The following ANGPTL5 variants were observed in gnomAD, a reference collection of about 807,000 sequenced individuals.
ANGPTL5 encodes the protein angiopoietin-related protein 5.
ANGPTL5 carries 34 observed loss-of-function variants against 39.4 expected under a neutral mutation model. The ratio of observed to expected loss-of-function variants is 0.86; its 90% CI spans 0.66 to 1.15. ANGPTL5 has a LOEUF of 1.15. Ranked by LOEUF, ANGPTL5 falls within the 50% of genes most tolerant of loss-of-function variation. The pLI is 0.00. For synonymous variants in ANGPTL5, 146 were observed against 152.1 expected, an observed-to-expected ratio of 0.96 and a Z score of 0.29; for missense variants, 467 against 457.5, an observed-to-expected ratio of 1.02 and a Z score of -0.19.
At chr11:101,893,314 T>A (rs1939735956) in intron 8 of ANGPTL5, among the ~76,000 whole-genome samples, 1 of 152,222 alleles carries the variant, frequency 6.6e-6, no homozygotes, top group African/African-American at 2.4e-5. Context: ...GTGGAACAAG[T>A]GTGTTGCTCA....
At chr11:101,912,000 C>G (rs1338356423) in intron 1 of ANGPTL5, among the ~76,000 whole-genome samples, 1 of 152,234 alleles carries the variant, frequency 6.6e-6, no homozygotes, top group Non-Finnish European at 1.5e-5. Context: ...TGAGCACCCT[C>G]TCACAGATAG....
At position 101,915,375 on chromosome 11, in the gene ANGPTL5, C is replaced by CG. The variant is rs779715132; in HGVS notation, c.-93+643dup. On this transcript the variant is annotated intron_variant, in intron 1 of 8. Coordinates refer to ENST00000334289, the MANE Select transcript of ANGPTL5 (RefSeq NM_178127.5). ...CCTCGACAGAGCCCCCCTCGGCCCTCGGGAGAGCGGCGGGCATCACCGACC... is the reference window on the plus strand; with the variant it reads ...CCTCGACAGAGCCCCCCTCGGCCCTCGGGGAGAGCGGCGGGCATCACCGACC... 31 of 1,613,758 alleles carry CG rather than the reference C, an allele frequency of 1.9e-5. No individual in the cohort carries two copies. The African/African-American group carries it at 4.1e-4, about 22-fold the overall frequency.
At chr11:101,912,163 A>C (rs1940101442) in intron 1 of ANGPTL5, among the ~76,000 whole-genome samples, 1 of 152,272 alleles carries the variant, frequency 6.6e-6, no homozygotes, top group Non-Finnish European at 1.5e-5. Flanking sequence ...TAGCACCTGG[A>C]AAGTGCTTGG....
At chr11:101,901,648 T>C (rs993831445) in intron 6 of ANGPTL5, among the ~76,000 whole-genome samples, 1 of 152,172 alleles carries the variant, frequency 6.6e-6, no homozygotes, top group Non-Finnish European at 1.5e-5. Flanking sequence ...CCACTCTTCA[T>C]AAAATTAGAA....
At chr11:101,892,995 T>C (rs1366689103) in intron 8 of ANGPTL5, among the ~76,000 whole-genome samples, 1 of 152,180 alleles carries the variant, frequency 6.6e-6, no homozygotes, top group Non-Finnish European at 1.5e-5. Flanking sequence ...GTGTGATACT[T>C]TTCCAAAGTT....
intron 1 of ANGPTL5, chr11:101,915,265 A>T (rs368939235): frequency 1.2e-6 from 2 of 1,612,806 alleles, no homozygotes; most frequent in African/African-American, 2.7e-5. Flanking sequence ...GCGAGCAGAC[A>T]GGCGGCGCTG....
chr11:101,899,445 G>T (rs981941865), intron 7 of ANGPTL5, among the ~76,000 whole-genome samples: 3 of 152,182 alleles, frequency 2.0e-5, no homozygotes, highest in Admixed American at 2.0e-4. Flanking sequence ...GTCTCAGTTT[G>T]TATGCAGTAT....
chr11:101,908,784 A>C (rs2137064528), intron 1 of ANGPTL5, among the ~76,000 whole-genome samples: 2 of 151,712 alleles, frequency 1.3e-5, no homozygotes, highest in South Asian at 4.2e-4. Flanking sequence ...CCATCTCAAA[A>C]AAAAAAAAAA....
chr11:101,910,433 A>ATG (rs1940073897), intron 1 of ANGPTL5, among the ~76,000 whole-genome samples: 3 of 147,582 alleles, frequency 2.0e-5, no homozygotes, highest in Admixed American at 6.8e-5. Flanking sequence ...AAATATATAT[A>ATG]TATATATATA....
intron 1 of ANGPTL5, among the ~76,000 whole-genome samples, chr11:101,911,048 C>G (rs115972341): frequency 0.016 from 2,223 of 136,142 alleles, 59 homozygotes; most frequent in African/African-American, 0.057. Context: ...CATATGTTAG[C>G]ACACTTCCCT....
intron 5 of ANGPTL5, 82 bp downstream of exon 5, chr11:101,904,732 C>T (rs774138514): frequency 1.2e-5 from 16 of 1,284,284 alleles, no homozygotes; most frequent in East Asian, 4.6e-5. Context: ...TTAAATAAAA[C>T]TTTTAAATGG....
intron 7 of ANGPTL5, among the ~76,000 whole-genome samples, chr11:101,898,534 GA>G (rs1348297288): frequency 1.3e-5 from 2 of 152,168 alleles, no homozygotes; most frequent in African/African-American, 4.8e-5. Context: ...TCAGTTTAAG[GA>G]ACTTTGAGAC....
rs1019232724 is a variant in ANGPTL5, at chr11:101,904,975, A to G, written c.346-68T>C. The G allele has an allele frequency of 4.1e-6, 5 of 1,224,050 alleles. No individual in the cohort carries two copies. In the African/African-American group the frequency reaches 7.5e-5, roughly 18 times the overall value. The allele number at this position is 1,224,050 out of a possible 1,614,324, so 75.8% of individuals were successfully genotyped here. On this transcript the variant is annotated intron_variant, in intron 4 of 8. Transcript: ENST00000334289. ...AAATTGCCATCTCTAAGCCTCTCAT[A>G]AACCCAGCTCTGAAATACGTAATGG...
intron 7 of ANGPTL5, among the ~76,000 whole-genome samples, chr11:101,897,276 T>C (rs1237437899): frequency 6.6e-6 from 1 of 152,214 alleles, no homozygotes; most frequent in Non-Finnish European, 1.5e-5. Context: ...GAAGGATAGA[T>C]TGCGAAAATT....
At chr11:101,914,998 G>C (rs917381800) in intron 1 of ANGPTL5, 2 of 370,028 alleles carry the variant, frequency 5.4e-6, no homozygotes, top group Admixed American at 8.4e-5. Context: ...CCAGGTTTCC[G>C]TTGTCAAGGA....
Position 101,906,960 on chromosome 11 carries a change from G to C in ANGPTL5, c.241+143C>G. 4.9e-6 allele frequency: 3 copies of C among 618,346 alleles called. No individual in the cohort carries two copies. The South Asian group carries it at 7.0e-5, about 14-fold the overall frequency. 38.3% of individuals were successfully genotyped at this position (618,346 alleles called of 1,614,324 possible). ...AAATATTTATTAAGCACCTATTATG[G>C]GCCAAACAATAAAGCTTCTGGCCTA... On this transcript the variant is annotated intron_variant, in intron 3 of 8. Coordinates refer to ENST00000334289, the MANE Select transcript of ANGPTL5 (RefSeq NM_178127.5).
intron 1 of ANGPTL5, among the ~76,000 whole-genome samples, chr11:101,908,695 C>T (rs548351610): frequency 1.5e-4 from 22 of 150,380 alleles, no homozygotes; most frequent in Middle Eastern, 3.4e-3. Flanking sequence ...CAGGGAGAAT[C>T]GCTTGAACCT....
At position 101,907,171 on chromosome 11, in the gene ANGPTL5, T is replaced by C. The variant is rs535129848; in HGVS notation, c.173A>G (p.Lys58Arg). 1.3e-6 allele frequency: 2 copies of C among 1,587,530 alleles called. No homozygotes were observed. Among genetic ancestry groups the C allele is most frequent in the East Asian group, 4.5e-5 (2 of 44,460 alleles). The part of the protein sequence containing the change: ...DESKSNDTVC[K>R]EDCEESCDVK... ...ATCACATGATTCCTCACAGTCTTCCTTACAAACAGTATCATTACTTTTACT... is the reference window on the plus strand; with the variant it reads ...ATCACATGATTCCTCACAGTCTTCCCTACAAACAGTATCATTACTTTTACT... Residue 58 changes from lysine (K) to arginine (R), a missense_variant, in exon 3 of 9, where the codon AAG (lysine) becomes AGG (arginine). By Grantham distance (26) the Lys-to-Arg change is conservative (BLOSUM62 2). Coordinates refer to ENST00000334289, the MANE Select transcript of ANGPTL5 (RefSeq NM_178127.5).
At chr11:101,912,653 A>C (rs560538457) in intron 1 of ANGPTL5, among the ~76,000 whole-genome samples, 3 of 152,232 alleles carry the variant, frequency 2.0e-5, no homozygotes, top group Non-Finnish European at 4.4e-5. Flanking sequence ...GTAAAACAAT[A>C]TTTGAATGAA....
Sources: gnomAD v4.1 joint callset for allele counts (sites outside exome capture counted in the v4.1 genomes callset) on GRCh38, gnomAD v4.1.1 for gene constraint, MANE v1.5 for transcripts, NCBI Gene and HGNC (gene_info 2026-07-23, HGNC 2026-07-21) for gene names.